Variants in ARB2A observed in about 807,000 individuals in gnomAD.
ARB2A encodes the protein cotranscriptional regulator ARB2A.
the ARB2A span, among the ~76,000 whole-genome samples, chr5:93,880,366 C>G: frequency 1.3e-5 from 2 of 151,582 alleles, no homozygotes; most frequent in East Asian, 3.9e-4. Context: ...ATGCCATGAA[C>G]TAGAATAATA....
the ARB2A span, chr5:93,781,772 G>A: frequency 1.7e-5 from 8 of 460,196 alleles, no homozygotes; most frequent in Non-Finnish European, 2.3e-5. Flanking sequence ...TTTCTCTGAT[G>A]ATTAGTGATG....
chr5:93,816,445 T>A, the ARB2A span, among the ~76,000 whole-genome samples: 9 of 152,212 alleles, frequency 5.9e-5, no homozygotes, highest in Non-Finnish European at 1.5e-5. Context: ...CAAATTAATA[T>A]GTCAATTCCT....
At chr5:93,973,273 T>C in the ARB2A span, among the ~76,000 whole-genome samples, 1 of 151,680 alleles carries the variant, frequency 6.6e-6, no homozygotes, top group African/African-American at 2.4e-5. Context: ...AATTTCAAAC[T>C]ACAATTGAAA....
chr5:93,755,168 C>T, the ARB2A span, among the ~76,000 whole-genome samples: 4 of 152,204 alleles, frequency 2.6e-5, no homozygotes, highest in African/African-American at 9.6e-5. Context: ...CCAGAAAATA[C>T]ACAAATTGTC....
the ARB2A span, among the ~76,000 whole-genome samples, chr5:94,012,357 G>A: frequency 4.6e-4 from 70 of 152,308 alleles, no homozygotes; most frequent in East Asian, 7.7e-3. Context: ...AGCAGAAATC[G>A]CGCCACTGCA....
chr5:93,619,173 A>G, the ARB2A span: 3 of 152,248 alleles, frequency 2.0e-5, no homozygotes, highest in African/African-American at 7.2e-5. Context: ...CTTCTAAAAT[A>G]GTAATGATTG....
chr5:93,958,974 A>G, the ARB2A span: 1 of 1,502,044 alleles, frequency 6.7e-7, no homozygotes, highest in African/African-American at 1.4e-5. Flanking sequence ...TCTACCTGTA[A>G]TTAAATAAAA....
the ARB2A span, among the ~76,000 whole-genome samples, chr5:93,913,106 A>G: frequency 6.6e-6 from 1 of 151,756 alleles, no homozygotes; most frequent in Admixed American, 6.6e-5. Flanking sequence ...TCTGGTGCTA[A>G]GTCCTTGCCC....
the ARB2A span, among the ~76,000 whole-genome samples, chr5:93,770,194 C>T: frequency 1.3e-5 from 2 of 152,110 alleles, no homozygotes; most frequent in Admixed American, 6.5e-5. Flanking sequence ...TTTACTCAGG[C>T]TGTGCAACCA....
the ARB2A span, among the ~76,000 whole-genome samples, chr5:93,823,491 A>G: frequency 6.6e-6 from 1 of 152,208 alleles, no homozygotes; most frequent in Non-Finnish European, 1.5e-5. Context: ...TCAGTTAAAG[A>G]CTATCAAAAT....
chr5:93,943,528 T>C, the ARB2A span, among the ~76,000 whole-genome samples: 1 of 152,164 alleles, frequency 6.6e-6, no homozygotes, highest in Admixed American at 6.5e-5. Context: ...ATGGCATTAC[T>C]CTTCTTAAAA....
the ARB2A span, among the ~76,000 whole-genome samples, chr5:93,653,824 A>G: frequency 2.0e-5 from 3 of 152,224 alleles, no homozygotes; most frequent in Non-Finnish European, 4.4e-5. Flanking sequence ...TCACCTCTAA[A>G]TTATAGACAC....
the ARB2A span, among the ~76,000 whole-genome samples, chr5:93,670,190 T>C: frequency 3.3e-5 from 5 of 152,228 alleles, no homozygotes; most frequent in East Asian, 7.7e-4. Context: ...CCTAGGCTAT[T>C]GAGCCAGCTT....
At chr5:93,711,187 G>A in the ARB2A span, among the ~76,000 whole-genome samples, 1 of 150,102 alleles carries the variant, frequency 6.7e-6, no homozygotes, top group Admixed American at 6.6e-5. Context: ...TGATCCAACT[G>A]GTTCTATTTT....
the ARB2A span, among the ~76,000 whole-genome samples, chr5:94,016,223 A>G: frequency 1.3e-5 from 2 of 152,224 alleles, no homozygotes; most frequent in Non-Finnish European, 2.9e-5. Flanking sequence ...GGGTCAATTC[A>G]GCAAAAGGAG....
At chr5:94,017,822 T>G in the ARB2A span, among the ~76,000 whole-genome samples, 1 of 152,204 alleles carries the variant, frequency 6.6e-6, no homozygotes, top group Non-Finnish European at 1.5e-5. Context: ...GGTTTGGCTG[T>G]GTCCCCAACC....
At chr5:93,991,897 A>C in the ARB2A span, among the ~76,000 whole-genome samples, 1 of 151,996 alleles carries the variant, frequency 6.6e-6, no homozygotes, top group East Asian at 1.9e-4. Context: ...AAAAACTGTA[A>C]GGCCACAGAT....
the ARB2A span, among the ~76,000 whole-genome samples, chr5:93,729,725 T>C: frequency 6.6e-6 from 1 of 152,168 alleles, no homozygotes; most frequent in African/African-American, 2.4e-5. Flanking sequence ...TTAGATAATG[T>C]AATAAAATGA....
At chr5:93,863,799 T>C in the ARB2A span, 179 of 152,234 alleles carry the variant, frequency 1.2e-3, no homozygotes, top group African/African-American at 4.1e-3. Context: ...AAATTATCCA[T>C]TGAAAGAAAT....
Sources: allele counts gnomAD v4.1 joint callset (sites outside exome capture counted in the v4.1 genomes callset), GRCh38; gene constraint gnomAD v4.1.1; transcripts MANE v1.5; gene names NCBI Gene and HGNC (gene_info 2026-07-23, HGNC 2026-07-21).